Variants in ADGRF5 observed in about 807,000 individuals in gnomAD.
The protein encoded by ADGRF5 is adhesion G protein-coupled receptor F5, also known as G-protein coupled receptor 116.
ADGRF5 carries 75 observed loss-of-function variants against 132.3 expected under a neutral mutation model. That is an observed-to-expected ratio of 0.57 (90% CI 0.47 to 0.69). The LOEUF is 0.69. ADGRF5 is among the 30% of genes least tolerant of loss of function. The pLI, the probability that ADGRF5 is intolerant of heterozygous loss-of-function variation, is 0.00. For synonymous variants in ADGRF5, 629 were observed against 597.6 expected (o/e 1.05, Z -0.77); for missense variants, 1,516 against 1,630.6 (o/e 0.93, Z 1.21).
Position 46,865,207 on chromosome 6 carries a change from G to A in ADGRF5, c.1835-10C>T, listed in dbSNP as rs1770278664. On this transcript the variant is annotated splice_polypyrimidine_tract_variant and intron_variant, in intron 13 of 20. Transcript: ENST00000283296. ...TTGTTAACTTCTTTTGCTGAAGACA[G>A]AATTATTGAAAGAATTAAGTCACAA... is the stretch of plus-strand genomic sequence containing the variant. The A allele has an allele frequency of 6.3e-7, 1 of 1,594,550 alleles. No homozygotes were observed. The highest frequency in any genetic ancestry group is 1.3e-5 in the African/African-American group (1 of 74,442).
In ADGRF5 at chr6:46,896,539, T is replaced by C. The variant is rs80220135; in HGVS notation, c.157+3490A>G. On this transcript the variant is annotated intron_variant, in intron 3 of 20. Transcript: ENST00000283296. ...AATCGATTTTCTTTGTTTAAATTTC[T>C]TTAAAAAACTATTAAAAGAAAAATA... 4.5e-3 allele frequency among the ~76,000 whole-genome samples: 684 copies of C among 152,292 alleles called. 3 individuals are homozygous for C. The highest frequency in any genetic ancestry group is 0.015 in the African/African-American group (616 of 41,544).
intron 1 of ADGRF5, among the ~76,000 whole-genome samples, chr6:46,914,104 T>A (rs80293805): frequency 1.3e-5 from 2 of 152,310 alleles, no homozygotes; most frequent in African/African-American, 4.8e-5. Context: ...TTACTTTTAA[T>A]GGTGGATGAT....
At chr6:46,856,578 G>A in intron 19 of ADGRF5, 140 bp downstream of exon 19, 4 of 634,130 alleles carry the variant, frequency 6.3e-6, no homozygotes, top group Non-Finnish European at 1.1e-5. Flanking sequence ...CAGCTGTTGA[G>A]GGAGACAGGT....
At chr6:46,929,574 A>G (rs112728834) in intron 1 of ADGRF5, among the ~76,000 whole-genome samples, 7 of 151,406 alleles carry the variant, frequency 4.6e-5, no homozygotes, top group East Asian at 1.9e-4. Flanking sequence ...TCTTACCCCT[A>G]TATTGGGACA....
chr6:46,888,371 G>A lies in ADGRF5; in HGVS notation c.292C>T (p.Gln98Ter). 6.2e-7 allele frequency: 1 copy of A among 1,610,960 alleles called. No individual in the cohort carries two copies. The highest frequency in any genetic ancestry group is 1.7e-5 in the Admixed American group (1 of 59,986). ...SFPIHGNNTD[Q>*]ITDILSINVT... is the part of the protein sequence containing the mutation. ...TTTATGCTCAAAATGTCGGTAATTT[G>A]GTCAGTGTTATTCCCATGAATTGGA... The change falls in exon 4 of 21, where the codon CAA becomes TAA. Residue 98 changes from glutamine (Q) to a stop codon, truncating the protein, a stop_gained. Transcript: ENST00000283296. LOFTEE classifies it high-confidence loss of function.
chr6:46,916,809 T>G (rs921882275), intron 1 of ADGRF5, among the ~76,000 whole-genome samples: 5 of 152,216 alleles, frequency 3.3e-5, no homozygotes, highest in Non-Finnish European at 5.9e-5. Flanking sequence ...TAAAATGAGC[T>G]CTGTCAATTT....
intron 1 of ADGRF5, among the ~76,000 whole-genome samples, chr6:46,907,687 GC>G (rs1775535747): frequency 1.3e-5 from 2 of 152,212 alleles, no homozygotes; most frequent in South Asian, 2.1e-4. Context: ...TCTCCTTGTA[GC>G]TTTTCTATGC....
At position 46,859,239 on chromosome 6, in the gene ADGRF5, T is replaced by C. The variant is rs1341502639; in HGVS notation, c.2664A>G (p.Leu888=). 3.7e-6 allele frequency: 6 copies of C among 1,614,174 alleles called. No homozygotes were observed. The highest frequency in any genetic ancestry group is 5.1e-6 in the Non-Finnish European group (6 of 1,180,026). The change falls in exon 17 of 21, where the codon CTA becomes CTG. Residue 888 remains leucine, a synonymous_variant. Transcript: ENST00000283296. The part of the protein sequence containing the change: ...WGNVVIDKSY[L]ENLQSDSSIV... ...TAGACGAATCCGACTGCAAGTTTTC[T>C]AGATAGCTCTTGTCAATGACCACAT...
At chr6:46,893,521 A>G (rs1202495489) in intron 3 of ADGRF5, among the ~76,000 whole-genome samples, 2 of 151,938 alleles carry the variant, frequency 1.3e-5, no homozygotes, top group African/African-American at 4.8e-5. Context: ...GAAATGCCAA[A>G]CCCACCTGTC....
At chr6:46,919,983 T>C (rs1316225640) in intron 1 of ADGRF5, among the ~76,000 whole-genome samples, 1 of 152,204 alleles carries the variant, frequency 6.6e-6, no homozygotes, top group African/African-American at 2.4e-5. Context: ...GCCACCTTTT[T>C]ACAGAAGACT....
chr6:46,861,455 G>A (rs748256493), intron 15 of ADGRF5, among the ~76,000 whole-genome samples: 8 of 152,072 alleles, frequency 5.3e-5, no homozygotes, highest in South Asian at 2.1e-4. Flanking sequence ...TTACTTAATC[G>A]TATAGAATAG....
chr6:46,895,035 G>T (rs187066668), intron 3 of ADGRF5, among the ~76,000 whole-genome samples: 1 of 151,976 alleles, frequency 6.6e-6, no homozygotes. Context: ...AAATTAGCTG[G>T]GTGTGGTGGC....
intron 1 of ADGRF5, among the ~76,000 whole-genome samples, chr6:46,941,466 G>GAAAAGAAAAGA (rs66918453): frequency 1.1e-3 from 31 of 28,028 alleles, no homozygotes; most frequent in East Asian, 7.6e-3. Context: ...GAAAAGAAAA[G>GAAAAGAAAAGA]AAAGAAAAGA....
intron 10 of ADGRF5, 35 bp downstream of exon 10, chr6:46,878,167 A>G (rs761037567): frequency 7.1e-7 from 1 of 1,416,214 alleles, no homozygotes; most frequent in South Asian, 1.1e-5. Context: ...AGAGGCAAAA[A>G]CCTATTTGCA....
intron 1 of ADGRF5, among the ~76,000 whole-genome samples, chr6:46,917,930 G>C (rs1776570394): frequency 6.6e-6 from 1 of 152,204 alleles, no homozygotes; most frequent in Non-Finnish European, 1.5e-5. Flanking sequence ...AAAATTGTTT[G>C]TTATTAAAAT....
chr6:46,930,359 G>A (rs574960602), intron 1 of ADGRF5, among the ~76,000 whole-genome samples: 43 of 152,284 alleles, frequency 2.8e-4, no homozygotes, highest in Admixed American at 2.0e-4. Context: ...TTTAAGTGAA[G>A]AAACTGCCCC....
Position 46,884,195 on chromosome 6 carries a change from G to A in ADGRF5, c.405C>T (p.His135=). The part of the protein sequence containing the change: ...GYGWPRERCL[H]NLICQERDVF... ...CGTCACGCTCTTGACAAATGAGATT[G>A]TGAAGACACCTTTCCCGAGGCCACC... Residue 135 remains histidine (H), a synonymous_variant, in exon 5 of 21, where the codon CAC becomes CAT. Coordinates refer to ENST00000283296, the MANE Select transcript of ADGRF5 (RefSeq NM_001098518.2). 2 of 1,614,046 alleles carry A rather than the reference G, an allele frequency of 1.2e-6. No homozygotes were observed. The highest frequency in any genetic ancestry group is 1.7e-6 in the Non-Finnish European group (2 of 1,179,890).
Position 46,920,732 on chromosome 6 carries a change from G to A in ADGRF5, c.-25+981C>T, listed in dbSNP as rs146768482. Among the ~76,000 whole-genome samples, 951 of 152,044 alleles carry A rather than the reference G, an allele frequency of 6.3e-3. 10 individuals carry two copies. Among genetic ancestry groups the A allele is most frequent in the African/African-American group, 0.022 (901 of 41,460 alleles). ...ACAAAAATTAGCAGGGTGTGGTGGC[G>A]GGTGCCTGTAATCCCAGCTGCTTGG... is the stretch of plus-strand genomic sequence containing the variant. On this transcript the variant is annotated intron_variant, in intron 1 of 20. Transcript: ENST00000283296.
intron 1 of ADGRF5, among the ~76,000 whole-genome samples, chr6:46,948,471 AGTGAGTGTGTGTGT>A (rs1778378582): frequency 9.2e-6 from 1 of 109,196 alleles, no homozygotes; most frequent in Non-Finnish European, 1.8e-5. Flanking sequence ...TACTTGCTCT[AGTGAGTGTGTGTGT>A]GTGTGTGTGT....
Sources: gnomAD v4.1 joint callset for allele counts (sites outside exome capture counted in the v4.1 genomes callset) on GRCh38, gnomAD v4.1.1 for gene constraint, MANE v1.5 for transcripts, NCBI Gene and HGNC (gene_info 2026-07-23, HGNC 2026-07-21) for gene names.